Variants in USP54 observed in about 807,000 individuals in gnomAD.
The protein encoded by USP54 is ubiquitin carboxyl-terminal hydrolase 54.
USP54 carries 87 observed loss-of-function variants against 170.5 expected under a neutral mutation model. The observed-to-expected ratio is 0.51, with a 90% CI of 0.43 to 0.61. USP54 has a LOEUF of 0.61. USP54 is among the 20% of genes least tolerant of loss of function. USP54 has a pLI of 0.00. For missense variants in USP54, 1,786 were observed against 2,047.8 expected (o/e 0.87, Z 2.47); for synonymous variants, 655 against 742.8 (o/e 0.88, Z 1.92).
chr10:73,618,774 T>C, intron 1 of USP54, among the ~76,000 whole-genome samples: 1 of 144,476 alleles, frequency 6.9e-6, no homozygotes, highest in Admixed American at 6.8e-5. Context: ...TAGCCGGGCG[T>C]GGTAGCTGGT....
intron 4 of USP54, among the ~76,000 whole-genome samples, chr10:73,550,832 C>T (rs1007431633): frequency 2.0e-5 from 3 of 152,138 alleles, no homozygotes; most frequent in African/African-American, 7.2e-5. Flanking sequence ...TCCGGCCAGG[C>T]GTGGTGGCTC....
At chr10:73,616,988 C>G (rs1456158657) in intron 1 of USP54, among the ~76,000 whole-genome samples, 1 of 150,630 alleles carries the variant, frequency 6.6e-6, no homozygotes, top group Admixed American at 6.6e-5. Flanking sequence ...GAAAGAAATA[C>G]AGCCAATAAA....
chr10:73,533,705 TC>T (rs1349943540), intron 12 of USP54, among the ~76,000 whole-genome samples: 4 of 152,242 alleles, frequency 2.6e-5, no homozygotes, highest in African/African-American at 9.6e-5. Flanking sequence ...CATTCACTGT[TC>T]TTCCCTGTAT....
chr10:73,516,287 T>C, intron 20 of USP54, 88 bp downstream of exon 20: 2 of 1,361,886 alleles, frequency 1.5e-6, no homozygotes, highest in Non-Finnish European at 2.0e-6. Context: ...GGATAGTATC[T>C]GTATAGAACA....
chr10:73,500,971 T>C (rs1396605778), intron 22 of USP54, 133 bp from the exon 23 acceptor site: 2 of 964,998 alleles, frequency 2.1e-6, no homozygotes. Flanking sequence ...CATGCCTTGT[T>C]CTGGAACAGG....
At chr10:73,503,687 G>A (rs140960875) in intron 22 of USP54, among the ~76,000 whole-genome samples, 32 of 152,256 alleles carry the variant, frequency 2.1e-4, no homozygotes, top group Non-Finnish European at 1.8e-4. Context: ...ATTTATGAAC[G>A]ATAAATTGAA....
intron 7 of USP54, 26 bp downstream of exon 7, chr10:73,542,777 A>C: frequency 6.2e-7 from 1 of 1,605,912 alleles, no homozygotes; most frequent in Non-Finnish European, 8.5e-7. Context: ...GCCTAAACGC[A>C]CAACAGAAAA....
chr10:73,546,203 T>G (rs1590232160), intron 4 of USP54, among the ~76,000 whole-genome samples: 1 of 152,168 alleles, frequency 6.6e-6, no homozygotes, highest in East Asian at 1.9e-4. Context: ...AATGCTAAAG[T>G]CTTGTTTAAG....
chr10:73,514,867 C>T (rs2060803425), intron 20 of USP54, among the ~76,000 whole-genome samples: 1 of 151,988 alleles, frequency 6.6e-6, no homozygotes, highest in Non-Finnish European at 1.5e-5. Flanking sequence ...TGGTGAAACC[C>T]TGTCTCTACT....
intron 4 of USP54, chr10:73,546,728 T>G (rs936609095): frequency 2.0e-5 from 3 of 152,212 alleles, no homozygotes; most frequent in Non-Finnish European, 4.4e-5. Context: ...CTATCCATGA[T>G]GATATAGATA....
At chr10:73,501,994 T>C (rs2058225592) in intron 22 of USP54, among the ~76,000 whole-genome samples, 1 of 152,338 alleles carries the variant, frequency 6.6e-6, no homozygotes, top group South Asian at 2.1e-4. Context: ...ATCATACTTA[T>C]CATTGTCTGG....
intron 11 of USP54, 118 bp downstream of exon 11, chr10:73,536,151 T>C (rs1053971670): frequency 7.1e-7 from 1 of 1,405,298 alleles, no homozygotes; most frequent in Non-Finnish European, 9.8e-7. Flanking sequence ...TTCTTACCTC[T>C]AATGGATCCT....
intron 12 of USP54, among the ~76,000 whole-genome samples, chr10:73,531,880 T>A (rs948188938): frequency 6.6e-6 from 1 of 152,100 alleles, no homozygotes; most frequent in Admixed American, 6.6e-5. Flanking sequence ...CTAAAGGATA[T>A]AAGCAACTAA....
chr10:73,612,419 T>G (rs2080222636), intron 1 of USP54, among the ~76,000 whole-genome samples: 1 of 152,226 alleles, frequency 6.6e-6, no homozygotes, highest in African/African-American at 2.4e-5. Flanking sequence ...CATCCTAGAA[T>G]TTTCCTCATG....
Position 73,510,451 on chromosome 10 carries a change from CT to C in USP54, c.4052-5026del, listed in dbSNP as rs200970566. On this transcript the variant is annotated intron_variant, in intron 20 of 23. Transcript: ENST00000687698. ...CTGGAGGGTTATTATAACATTTATT[CT>C]TTTTTTTTTTTTTTTGAGATGGCAG... Among the ~76,000 whole-genome samples the C allele has an allele frequency of 3.5e-3, 489 of 139,510 alleles. 2 individuals are homozygous for C. The highest frequency in any genetic ancestry group is 0.012 in the Admixed American group (164 of 13,774). The allele number at this position is 139,510 out of a possible 152,430, so 91.5% of individuals were successfully genotyped here. A position where few individuals can be genotyped will look rare whatever the true frequency, so the allele number is the denominator to read the frequency against.
intron 5 of USP54, 148 bp downstream of exon 5, chr10:73,545,390 T>G: frequency 9.1e-7 from 1 of 1,095,126 alleles, no homozygotes; most frequent in South Asian, 1.6e-5. Context: ...AACAGAGACA[T>G]TTTAGATCCC....
chr10:73,589,766 G>C (rs1228994268), intron 1 of USP54, among the ~76,000 whole-genome samples: 1 of 152,190 alleles, frequency 6.6e-6, no homozygotes, highest in African/African-American at 2.4e-5. Context: ...CAGTGTGAGA[G>C]AGCAAGCACA....
chr10:73,514,251 G>A (rs1160761105), intron 20 of USP54, among the ~76,000 whole-genome samples: 1 of 152,110 alleles, frequency 6.6e-6, no homozygotes, highest in African/African-American at 2.4e-5. Context: ...CACCATGCCT[G>A]GCCTTATTAT....
At chr10:73,527,942 C>T (rs1427133074) in intron 15 of USP54, among the ~76,000 whole-genome samples, 1 of 151,748 alleles carries the variant, frequency 6.6e-6, no homozygotes, top group Non-Finnish European at 1.5e-5. Flanking sequence ...ATTCACTAAT[C>T]CATTCTTTTT....
Sources: gnomAD v4.1 joint callset for allele counts (sites outside exome capture counted in the v4.1 genomes callset) on GRCh38, gnomAD v4.1.1 for gene constraint, MANE v1.5 for transcripts, NCBI Gene and HGNC (gene_info 2026-07-23, HGNC 2026-07-21) for gene names.